Variants in EDRF1 observed in about 807,000 individuals in gnomAD.
EDRF1 encodes the protein erythroid differentiation-related factor 1.
In EDRF1, 69 loss-of-function variants were observed where a neutral mutation model predicts 148.7. That is an observed-to-expected ratio of 0.46 (90% CI 0.38 to 0.57). The LOEUF is 0.57. EDRF1 is among the 20% of genes least tolerant of loss of function. EDRF1 has a pLI of 0.00. For synonymous variants in EDRF1, 515 were observed against 532.8 expected (o/e 0.97, Z 0.46); for missense variants, 1,118 against 1,478.7 (o/e 0.76, Z 4.00).
At chr10:125,730,460 C>A in intron 9 of EDRF1, 61 bp downstream of exon 9, 1 of 1,386,946 alleles carries the variant, frequency 7.2e-7, no homozygotes, top group East Asian at 2.3e-5. Flanking sequence ...GAGTTCCTCA[C>A]CAAAGTCTTT....
rs531668188 is a variant in EDRF1 at position 125,740,628 on chromosome 10, T to C, written c.2147T>C (p.Ile716Thr). Reference protein sequence around the residue: ...LQKYGRALRYIKLALQSHDTY... With the variant: ...LQKYGRALRYTKLALQSHDTY... ...AAATACGGAAGAGCATTACGATACATTAAATTAGCTTTGCAAAGCCATGGT... is the reference window on the plus strand; with the variant it reads ...AAATACGGAAGAGCATTACGATACACTAAATTAGCTTTGCAAAGCCATGGT... Residue 716 changes from isoleucine (I) to threonine (T), a missense_variant, in exon 16 of 25, where the codon ATT becomes ACT. By Grantham distance (89) the Ile-to-Thr change is moderately conservative. Transcript: ENST00000356792. The C allele has an allele frequency of 6.2e-7, 1 of 1,613,848 alleles. No individual in the cohort carries two copies. The highest frequency in any genetic ancestry group is 1.1e-5 in the South Asian group (1 of 91,086).
At position 125,752,932 on chromosome 10, in the gene EDRF1, CTG is replaced by C; in HGVS notation, c.3393+20_3393+21del. 5 of 1,573,766 alleles carry C rather than the reference CTG, an allele frequency of 3.2e-6. No homozygotes were observed. The highest frequency in any genetic ancestry group is 4.4e-6 in the Non-Finnish European group (5 of 1,143,956). On this transcript the variant is annotated intron_variant, in intron 23 of 24. Coordinates refer to ENST00000356792, the MANE Select transcript of EDRF1 (RefSeq NM_001202438.2). ...TTGGCCAGGTACATGGAGAAAATGACTGTCTTTGGTTTTTGTGTGTCTTAAGC... is the reference window on the plus strand; with the variant it reads ...TTGGCCAGGTACATGGAGAAAATGACTCTTTGGTTTTTGTGTGTCTTAAGC...
intron 24 of EDRF1, 136 bp downstream of exon 24, chr10:125,753,981 C>A: frequency 1.1e-6 from 1 of 889,982 alleles, no homozygotes; most frequent in Non-Finnish European, 1.7e-6. Flanking sequence ...TTTGGGAGGC[C>A]AAGGCAGGCA....
chr10:125,743,441 A>AT (rs1849139268), intron 18 of EDRF1, among the ~76,000 whole-genome samples, 165 bp downstream of exon 18: 1 of 152,164 alleles, frequency 6.6e-6, no homozygotes, highest in African/African-American at 2.4e-5. Flanking sequence ...GGAACACATG[A>AT]TTTTCCCTTG....
chr10:125,759,546 T>C lies in EDRF1; in HGVS notation c.3546-3755T>C, dbSNP rs145720514. On this transcript the variant is annotated intron_variant, in intron 24 of 24. Transcript: ENST00000356792. ...GGGAGACTGAGGCAGGAGAATTACA[T>C]GAACCCAGGAGTTCAAGGCCACAGC... is the stretch of plus-strand genomic sequence containing the variant. Among the ~76,000 whole-genome samples the C allele has an allele frequency of 6.7e-4, 102 of 152,124 alleles. 1 individual carries two copies. The South Asian group carries it at 0.01, about 15-fold the overall frequency.
Position 125,725,808 on chromosome 10 carries a change from A to C in EDRF1, c.762A>C (p.Ser254=). 6.2e-7 allele frequency: 1 copy of C among 1,613,920 alleles called. No individual in the cohort carries two copies. Among genetic ancestry groups the C allele is most frequent in the Non-Finnish European group, 8.5e-7 (1 of 1,180,008 alleles). The change falls in exon 6 of 25, where the codon TCA becomes TCC. Residue 254 remains serine, a synonymous_variant. Coordinates refer to ENST00000356792, the MANE Select transcript of EDRF1 (RefSeq NM_001202438.2). ...CTGCTCCCTTCGAAATGCCTTCTTC[A>C]GTTTCTGAAGATCCCAGTGCTTCCA... ...SWPAPFEMPS[S]VSEDPSASSQ... is the part of the protein sequence containing the mutation.
chr10:125,756,081 C>T (rs10901423), intron 24 of EDRF1, among the ~76,000 whole-genome samples: 39,017 of 152,024 alleles, frequency 0.26, 6,098 homozygotes, highest in Non-Finnish European at 0.36. Flanking sequence ...ATAAGATTTG[C>T]TGCCAAAAAT....
At chr10:125,740,314 CCAGTGTATTTAAG>C (rs1848950291) in intron 15 of EDRF1, 136 bp from the exon 16 acceptor site, 1 of 851,316 alleles carries the variant, frequency 1.2e-6, no homozygotes, top group Non-Finnish European at 1.9e-6. Context: ...CCATTTCACT[CCAGTGTATTTAAG>C]CAGTAAAGCA....
chr10:125,758,440 G>A (rs1314258499), intron 24 of EDRF1, among the ~76,000 whole-genome samples: 1 of 152,102 alleles, frequency 6.6e-6, no homozygotes, highest in East Asian at 1.9e-4. Context: ...TGATAGTAGA[G>A]ACCAAGAGAA....
At chr10:125,741,524 A>C (rs772182426) in intron 17 of EDRF1, 24 of 369,952 alleles carry the variant, frequency 6.5e-5, no homozygotes, top group Non-Finnish European at 1.2e-4. Flanking sequence ...TACAGGTGTG[A>C]GCCACCACGC....
chr10:125,761,119 A>C (rs1850171052), intron 24 of EDRF1: 1 of 270,226 alleles, frequency 3.7e-6, no homozygotes, highest in African/African-American at 2.3e-5. Flanking sequence ...TCTGGCAAAA[A>C]AATAAACAAG....
Position 125,745,797 on chromosome 10 carries a change from A to T in EDRF1, c.2681A>T (p.Glu894Val), listed in dbSNP as rs1315813967. ...GGAATTCACAACTTTGAATCAATTG[A>T]GGATGCCACCAATGCCGCCCTTTTA... ...EKGIHNFESI[E>V]DATNAALLLC... The change falls in exon 19 of 25, where the codon GAG becomes GTG. Residue 894 changes from glutamate (E) to valine (V), a missense_variant. Glu to Val is a moderately radical substitution (Grantham distance 121). Coordinates refer to ENST00000356792, the MANE Select transcript of EDRF1 (RefSeq NM_001202438.2). 1 of 1,614,144 alleles carries T rather than the reference A, an allele frequency of 6.2e-7. No individual in the cohort carries two copies. Among genetic ancestry groups the T allele is most frequent in the Non-Finnish European group, 8.5e-7 (1 of 1,180,056 alleles).
intron 12 of EDRF1, among the ~76,000 whole-genome samples, chr10:125,734,822 T>C (rs1405206415): frequency 6.6e-6 from 1 of 152,180 alleles, no homozygotes; most frequent in Non-Finnish European, 1.5e-5. Context: ...TATTTTTCAC[T>C]GTTAAGGCTA....
chr10:125,750,409 C>G (rs1283279957), intron 22 of EDRF1: 4 of 152,206 alleles, frequency 2.6e-5, no homozygotes, highest in Non-Finnish European at 5.9e-5. Context: ...AATGATTTTT[C>G]CTAAGTTCTC....
chr10:125,754,896 T>G (rs945484642), intron 24 of EDRF1, among the ~76,000 whole-genome samples: 8 of 152,346 alleles, frequency 5.3e-5, no homozygotes, highest in African/African-American at 1.9e-4. Flanking sequence ...TTTTGTCTGT[T>G]TATTTTTTTA....
At chr10:125,720,470 A>G (rs1258265999) in intron 1 of EDRF1, among the ~76,000 whole-genome samples, 1 of 152,218 alleles carries the variant, frequency 6.6e-6, no homozygotes, top group East Asian at 1.9e-4. Context: ...CAAAAAGCCC[A>G]AATGTTCTAC....
intron 16 of EDRF1, 85 bp from the exon 17 acceptor site, chr10:125,740,915 TG>T: frequency 7.2e-7 from 1 of 1,390,024 alleles, no homozygotes; most frequent in Non-Finnish European, 1.0e-6. Context: ...AGCGTTCAGC[TG>T]GTAACACAGT....
intron 17 of EDRF1, chr10:125,742,246 C>G (rs551465649): frequency 6.2e-6 from 8 of 1,289,240 alleles, no homozygotes; most frequent in South Asian, 1.2e-5. Flanking sequence ...GTAGAATAAT[C>G]TGATCCGCAG....
intron 5 of EDRF1, 83 bp downstream of exon 5, chr10:125,725,525 T>A (rs1848216532): frequency 6.3e-7 from 1 of 1,592,208 alleles, no homozygotes; most frequent in Non-Finnish European, 8.6e-7. Context: ...AAGTTATAAT[T>A]TAAGTTTTGC....
Sources: gnomAD v4.1 joint callset for allele counts (sites outside exome capture counted in the v4.1 genomes callset) on GRCh38, gnomAD v4.1.1 for gene constraint, MANE v1.5 for transcripts, NCBI Gene and HGNC (gene_info 2026-07-23, HGNC 2026-07-21) for gene names.